GPC5: variants seen among roughly 807,000 people sequenced by gnomAD.
GPC5 encodes the protein glypican-5.
In GPC5, 47 loss-of-function variants were observed where a neutral mutation model predicts 53.9. The observed-to-expected ratio is 0.87, with a 90% confidence interval of 0.69 to 1.11. The LOEUF is 1.11. GPC5 is among the 50% of genes most tolerant of loss of function. The probability of loss-of-function intolerance (pLI) is 0.00; values close to 1 mark genes in which losing one functional copy is unlikely to be tolerated. For missense variants in GPC5, 748 were observed against 713.1 expected, an observed-to-expected ratio of 1.05 and a Z score of -0.56; for synonymous variants, 286 against 263.3, an observed-to-expected ratio of 1.09 and a Z score of -0.84.
intron 7 of GPC5, among the ~76,000 whole-genome samples, chr13:92,284,551 G>T (rs1594067178): frequency 6.6e-6 from 1 of 152,144 alleles, no homozygotes; most frequent in Non-Finnish European, 1.5e-5. Context: ...CCATGATCAA[G>T]TGGGCTTCAT....
intron 6 of GPC5, among the ~76,000 whole-genome samples, chr13:92,093,355 T>C (rs564007439): frequency 6.6e-6 from 1 of 152,156 alleles, no homozygotes; most frequent in East Asian, 1.9e-4. Context: ...CCAAGACAAA[T>C]ATACATTAAA....
At chr13:92,054,619 G>A (rs919828350) in intron 6 of GPC5, among the ~76,000 whole-genome samples, 5 of 152,146 alleles carry the variant, frequency 3.3e-5, no homozygotes, top group African/African-American at 1.2e-4. Context: ...AACCCAGTGA[G>A]TTACACAACA....
intron 7 of GPC5, among the ~76,000 whole-genome samples, chr13:92,204,317 A>G (rs1285051142): frequency 1.3e-5 from 2 of 152,222 alleles, no homozygotes; most frequent in Non-Finnish European, 2.9e-5. Context: ...CCAATCAAAT[A>G]ATTAGAATAC....
chr13:92,600,839 C>A (rs1884028369), intron 7 of GPC5, among the ~76,000 whole-genome samples: 2 of 151,976 alleles, frequency 1.3e-5, no homozygotes, highest in South Asian at 4.2e-4. Context: ...TTTTGCTGTT[C>A]ATTGGCTCAT....
rs386380203 is a variant in GPC5, at chr13:91,819,151, C to CTTT, written c.1280+62755_1280+62757dup. ...TTCTTTTTATTAAAAAAAATATGCG[C>CTTT]TTTTTTTTTTTTTTTTTTTTTTTTT... On this transcript the variant is annotated intron_variant, in intron 5 of 7. Coordinates refer to ENST00000377067, the MANE Select transcript of GPC5 (RefSeq NM_004466.6). 5.2e-4 allele frequency among the ~76,000 whole-genome samples: 30 copies of CTTT among 58,080 alleles called. 5 individuals are homozygous for CTTT. The East Asian group carries it at 0.01, about 19-fold the overall frequency. The allele number at this position is 58,080 out of a possible 152,430, so 38.1% of individuals were successfully genotyped here. A position where few individuals can be genotyped will look rare whatever the true frequency, so the allele number is the denominator to read the frequency against.
rs796829752 is a variant in GPC5 at position 91,689,215 on chromosome 13, A to G, written c.326-3972A>G. Among the ~76,000 whole-genome samples, 3 of 122,732 alleles carry G rather than the reference A, an allele frequency of 2.4e-5. 1 individual carries two copies. The South Asian group carries it at 8.1e-4, about 33-fold the overall frequency. The allele number at this position is 122,732 out of a possible 152,430, so 80.5% of individuals were successfully genotyped here. On this transcript the variant is annotated intron_variant, in intron 2 of 7. Transcript: ENST00000377067. The stretch of plus-strand genomic sequence containing the variant: ...TATATATATATATATATATATATAT[A>G]TATATATATATATATACACATATAA...
chr13:92,366,832 T>C (rs1009647617), intron 7 of GPC5, among the ~76,000 whole-genome samples: 1 of 152,224 alleles, frequency 6.6e-6, no homozygotes, highest in Non-Finnish European at 1.5e-5. Flanking sequence ...ACATTGGCAT[T>C]AACACTTCAA....
intron 5 of GPC5, among the ~76,000 whole-genome samples, chr13:91,858,940 A>G (rs1049058493): frequency 1.3e-5 from 2 of 151,568 alleles, no homozygotes; most frequent in South Asian, 2.1e-4. Context: ...TTATTGGCCT[A>G]TAGTTGCTCC....
intron 7 of GPC5, among the ~76,000 whole-genome samples, chr13:92,407,928 T>C (rs1875864057): frequency 6.6e-6 from 1 of 152,220 alleles, no homozygotes; most frequent in Non-Finnish European, 1.5e-5. Flanking sequence ...AAGATTGGTC[T>C]ATAAAGAGAA....
chr13:92,301,235 T>C (rs572740226), intron 7 of GPC5, among the ~76,000 whole-genome samples: 2 of 152,310 alleles, frequency 1.3e-5, no homozygotes, highest in East Asian at 1.9e-4. Context: ...TGGTAGATCA[T>C]ATAATGGTCT....
chr13:91,712,482 A>G (rs576742106), intron 3 of GPC5, among the ~76,000 whole-genome samples: 5 of 152,266 alleles, frequency 3.3e-5, no homozygotes, highest in Non-Finnish European at 5.9e-5. Context: ...TTTAAAATCC[A>G]TAATATGTAA....
chr13:92,018,496 T>A, intron 6 of GPC5, among the ~76,000 whole-genome samples: 1 of 152,098 alleles, frequency 6.6e-6, no homozygotes, highest in East Asian at 1.9e-4. Flanking sequence ...TGTGTTTGAA[T>A]GGTACTTAAA....
chr13:91,960,455 T>C (rs185752185), intron 6 of GPC5, among the ~76,000 whole-genome samples: 86 of 151,864 alleles, frequency 5.7e-4, no homozygotes, highest in African/African-American at 2.0e-3. Flanking sequence ...TCCCTTGCTT[T>C]CCAATCAATA....
At chr13:92,327,308 C>T (rs1348286154) in intron 7 of GPC5, among the ~76,000 whole-genome samples, 2 of 152,194 alleles carry the variant, frequency 1.3e-5, no homozygotes, top group Non-Finnish European at 2.9e-5. Flanking sequence ...TTTGAAAACA[C>T]TTTCCACTGT....
In GPC5 at chr13:91,462,178, G is replaced by A. The variant is rs182603121; in HGVS notation, c.325+13256G>A. Among the ~76,000 whole-genome samples the A allele has an allele frequency of 9.2e-5, 14 of 152,182 alleles. No homozygotes were observed. In the East Asian group the frequency reaches 1.2e-3, roughly 13 times the overall value. On this transcript the variant is annotated intron_variant, in intron 2 of 7. Coordinates refer to ENST00000377067, the MANE Select transcript of GPC5 (RefSeq NM_004466.6). ...TTATTCAATGACTGGCTTAACAAAC[G>A]CCGTGGTCTTATTAGTGTCCTTCTC...
intron 2 of GPC5, among the ~76,000 whole-genome samples, chr13:91,501,185 C>G (rs1268771808): frequency 1.3e-5 from 2 of 151,174 alleles, no homozygotes; most frequent in African/African-American, 4.9e-5. Flanking sequence ...ATCCTTTGTC[C>G]TGAAGTTATT....
chr13:92,226,196 G>GA (rs2042484840), intron 7 of GPC5, among the ~76,000 whole-genome samples: 1 of 152,110 alleles, frequency 6.6e-6, no homozygotes, highest in African/African-American at 2.4e-5. Context: ...CAGCCATGCA[G>GA]AACTGTGAGT....
intron 7 of GPC5, among the ~76,000 whole-genome samples, chr13:92,455,343 T>A (rs931698965): frequency 2.0e-5 from 3 of 152,178 alleles, no homozygotes; most frequent in Non-Finnish European, 4.4e-5. Flanking sequence ...AAAAAATGAA[T>A]TTCCCCTAAA....
At chr13:91,480,932 G>T (rs556345729) in intron 2 of GPC5, among the ~76,000 whole-genome samples, 9 of 150,862 alleles carry the variant, frequency 6.0e-5, no homozygotes, top group Admixed American at 3.3e-4. Context: ...TTGAGACAGT[G>T]ATATTTCTGT....
Sources: allele counts gnomAD v4.1 joint callset (sites outside exome capture counted in the v4.1 genomes callset), GRCh38; gene constraint gnomAD v4.1.1; transcripts MANE v1.5; gene names NCBI Gene and HGNC (gene_info 2026-07-23, HGNC 2026-07-21).